WDR43: variants seen among roughly 807,000 people sequenced by gnomAD.
The protein encoded by WDR43 is WD repeat domain 43, also known as WD repeat-containing protein 43.
Under a neutral mutation model 91.4 loss-of-function variants are expected in WDR43, and 13 were observed. The observed-to-expected ratio is 0.14, with a 90% CI of 0.09 to 0.23. The LOEUF (loss-of-function observed/expected upper bound fraction) is 0.23. Ranked by LOEUF, WDR43 falls within the 10% of genes least tolerant of loss-of-function variation. The pLI is 1.00. For synonymous variants in WDR43, 331 were observed against 287.9 expected (o/e 1.15, Z -1.51); for missense variants, 780 against 809.4 (o/e 0.96, Z 0.44).
intron 3 of WDR43, among the ~76,000 whole-genome samples, chr2:28,910,419 T>A (rs1261827868): frequency 6.6e-6 from 1 of 152,144 alleles, no homozygotes; most frequent in Non-Finnish European, 1.5e-5. Context: ...AAAGGAAAAG[T>A]TCTCTCGTAC....
chr2:28,910,700 T>A (rs1349290505), intron 3 of WDR43, among the ~76,000 whole-genome samples: 131 of 149,158 alleles, frequency 8.8e-4, no homozygotes, highest in African/African-American at 2.9e-3. Context: ...TATATAATTA[T>A]TATTTTTATT....
chr2:28,919,915 A>G (rs1257698447), intron 6 of WDR43, among the ~76,000 whole-genome samples: 1 of 151,914 alleles, frequency 6.6e-6, no homozygotes, highest in Admixed American at 6.6e-5. Flanking sequence ...GTCTTGGCTC[A>G]CTGCAACTTC....
rs1244680171 is a variant in WDR43 at position 28,947,202 on chromosome 2, G to A, written c.*423G>A. Reference sequence around the variant, plus strand: ...CAAATCCAGATGCAAAGCAGCACTAGTGAAAATTTTTTTAATTTAGTACAT... The same window carrying A: ...CAAATCCAGATGCAAAGCAGCACTAATGAAAATTTTTTTAATTTAGTACAT... On this transcript the variant is annotated 3_prime_UTR_variant, in exon 18 of 18. Coordinates refer to ENST00000407426, the MANE Select transcript of WDR43 (RefSeq NM_015131.3). The A allele has an allele frequency of 6.6e-6, 1 of 152,628 alleles. No homozygotes were observed. Among genetic ancestry groups the A allele is most frequent in the East Asian group, 1.9e-4 (1 of 5,216 alleles). The allele number at this position is 152,628 out of a possible 1,614,324, so 9.5% of individuals were successfully genotyped here.
At position 28,937,549 on chromosome 2, in the gene WDR43, T is replaced by A. The variant is rs575976276; in HGVS notation, c.1557-382T>A. 2.0e-5 allele frequency among the ~76,000 whole-genome samples: 3 copies of A among 152,340 alleles called. No individual in the cohort carries two copies. The South Asian group carries it at 6.2e-4, about 32-fold the overall frequency. On this transcript the variant is annotated intron_variant, in intron 13 of 17. Coordinates refer to ENST00000407426, the MANE Select transcript of WDR43 (RefSeq NM_015131.3). Reference sequence around the variant, plus strand: ...GCCTTTTAATGTTAATGGAGGACTTTGCTATTCTTGACAGATTTTTATGTT... The same window carrying A: ...GCCTTTTAATGTTAATGGAGGACTTAGCTATTCTTGACAGATTTTTATGTT...
At chr2:28,905,726 G>T (rs868109132) in intron 2 of WDR43, among the ~76,000 whole-genome samples, 2 of 148,964 alleles carry the variant, frequency 1.3e-5, no homozygotes, top group Non-Finnish European at 3.0e-5. Flanking sequence ...AGGCAATGGC[G>T]CAATCTTGGC....
At chr2:28,904,025 G>A (rs1366357172) in intron 2 of WDR43, among the ~76,000 whole-genome samples, 1 of 152,012 alleles carries the variant, frequency 6.6e-6, no homozygotes, top group African/African-American at 2.4e-5. Flanking sequence ...TGCTGGTGTC[G>A]AACTCCTGGC....
Position 28,902,015 on chromosome 2 carries a change from C to T in WDR43, c.254C>T (p.Ser85Leu), listed in dbSNP as rs755349568. ...KESPQRKKRK[S>L]EAVGMSNQTD... ...AGTCCCCAGAGGAAAAAAAGGAAAT[C>T]AGAAGCTGTAGGAATGAGTAACCAG... The change falls in exon 2 of 18, where the codon TCA becomes TTA. Residue 85 changes from serine to leucine, a missense_variant. This residue lies in a region of WDR43 where 175 missense variants were observed against 113.8 expected (regional missense o/e 1.54). Coordinates refer to ENST00000407426, the MANE Select transcript of WDR43 (RefSeq NM_015131.3). The T allele has an allele frequency of 6.3e-7, 1 of 1,594,650 alleles. No homozygotes were observed. The highest frequency in any genetic ancestry group is 1.4e-5 in the African/African-American group (1 of 73,678).
chr2:28,937,871 G>A (rs967731035), intron 13 of WDR43, 60 bp from the exon 14 acceptor site: 2 of 1,545,414 alleles, frequency 1.3e-6, no homozygotes, highest in African/African-American at 2.7e-5. Context: ...TTTTCTAACA[G>A]CTCAGTTGAA....
intron 11 of WDR43, among the ~76,000 whole-genome samples, chr2:28,931,693 A>G (rs1490496671): frequency 1.3e-5 from 2 of 151,634 alleles, no homozygotes; most frequent in Non-Finnish European, 2.9e-5. Context: ...AGATGTTAAT[A>G]TGTAACTTTC....
intron 3 of WDR43, among the ~76,000 whole-genome samples, chr2:28,912,246 C>A (rs1034381234): frequency 2.0e-5 from 3 of 152,124 alleles, no homozygotes; most frequent in African/African-American, 7.2e-5. Flanking sequence ...ATGGAACTTT[C>A]CTGGACATTC....
chr2:28,931,584 G>A (rs377631301), intron 11 of WDR43, among the ~76,000 whole-genome samples: 14 of 151,666 alleles, frequency 9.2e-5, no homozygotes, highest in African/African-American at 3.1e-4. Context: ...ATATAGGTTA[G>A]ATCTAGAAGC....
At chr2:28,906,823 C>T (rs551336837) in intron 3 of WDR43, among the ~76,000 whole-genome samples, 16 of 152,172 alleles carry the variant, frequency 1.1e-4, no homozygotes, top group Admixed American at 9.8e-4. Context: ...TATTTGTCAG[C>T]CGAGTACAGT....
In WDR43 at chr2:28,929,641, C is replaced by T. The variant is rs1375670175; in HGVS notation, c.1368C>T (p.Asp456=). ...ACACACACAAAAAAGGAAAGGAAGACCTCCAGACGAATAGCTTTCCAGTTC... is the reference window on the plus strand; with the variant it reads ...ACACACACAAAAAAGGAAAGGAAGATCTCCAGACGAATAGCTTTCCAGTTC... The part of the protein sequence containing the change: ...DIDTHKKGKE[D]LQTNSFPVLL... Residue 456 remains aspartate, a synonymous_variant, in exon 11 of 18, where the codon GAC becomes GAT. Coordinates refer to ENST00000407426, the MANE Select transcript of WDR43 (RefSeq NM_015131.3). 1.2e-6 allele frequency: 2 copies of T among 1,613,672 alleles called. No homozygotes were observed. The highest frequency in any genetic ancestry group is 2.2e-5 in the East Asian group (1 of 44,848).
chr2:28,910,321 G>T (rs1553326466), intron 3 of WDR43, among the ~76,000 whole-genome samples: 1 of 152,172 alleles, frequency 6.6e-6, no homozygotes, highest in Non-Finnish European at 1.5e-5. Flanking sequence ...TATCAACGTA[G>T]TAAGTATATG....
At chr2:28,943,445 G>T (rs896949955) in intron 16 of WDR43, among the ~76,000 whole-genome samples, 2 of 152,108 alleles carry the variant, frequency 1.3e-5, no homozygotes, top group African/African-American at 2.4e-5. Flanking sequence ...TGTCCTTTTT[G>T]TCATGTACTG....
intron 6 of WDR43, 119 bp from the exon 7 acceptor site, chr2:28,922,800 T>G (rs1671058572): frequency 2.7e-6 from 1 of 369,834 alleles, no homozygotes; most frequent in Non-Finnish European, 4.6e-6. Flanking sequence ...TTGCTGTGTT[T>G]TTTTTTTTTT....
intron 14 of WDR43, among the ~76,000 whole-genome samples, chr2:28,939,666 A>G (rs2148199057): frequency 6.6e-6 from 1 of 152,342 alleles, no homozygotes; most frequent in Admixed American, 6.5e-5. Context: ...ACAGGGACAC[A>G]AAAGGGAGGT....
intron 11 of WDR43, among the ~76,000 whole-genome samples, chr2:28,932,654 C>A (rs1572599892): frequency 6.6e-6 from 1 of 151,980 alleles, no homozygotes; most frequent in East Asian, 1.9e-4. Context: ...AAAATAGGAA[C>A]AAAAGAAGAA....
chr2:28,935,147 T>C (rs1671315184), intron 11 of WDR43, among the ~76,000 whole-genome samples: 1 of 152,224 alleles, frequency 6.6e-6, no homozygotes, highest in South Asian at 2.1e-4. Flanking sequence ...CTAAGTAATT[T>C]TACTGTTTTG....
Sources: allele counts gnomAD v4.1 joint callset (sites outside exome capture counted in the v4.1 genomes callset), GRCh38; gene constraint gnomAD v4.1.1; regional missense constraint gnomAD v4.1.1; transcripts MANE v1.5; gene names NCBI Gene and HGNC (gene_info 2026-07-23, HGNC 2026-07-21).